Variants in ACYP2 observed in about 807,000 individuals in gnomAD.
ACYP2 encodes acylphosphatase-2.
A neutral mutation model predicts 11.2 loss-of-function variants in ACYP2; 12 were observed. The observed-to-expected ratio is 1.08, with a 90% CI of 0.69 to 1.74. The LOEUF is 1.74. ACYP2 is among the 40% of genes most tolerant of loss of function. The probability of loss-of-function intolerance (pLI) is 0.00; values close to 1 mark genes in which losing one functional copy is unlikely to be tolerated. For synonymous variants in ACYP2, 43 were observed against 32.2 expected, an observed-to-expected ratio of 1.33 and a Z score of -1.13; for missense variants, 134 against 101.9, an observed-to-expected ratio of 1.31 and a Z score of -1.35.
chr2:54,083,082 A>G (rs1677751958), intron 4 of ACYP2, among the ~76,000 whole-genome samples: 1 of 139,700 alleles, frequency 7.2e-6, no homozygotes, highest in South Asian at 2.6e-4. Context: ...TCAAAAAAAA[A>G]AAGAAAAAAA....
At chr2:54,303,789 C>T (rs1459655371) in intron 6 of ACYP2, among the ~76,000 whole-genome samples, 4 of 152,166 alleles carry the variant, frequency 2.6e-5, no homozygotes, top group African/African-American at 7.2e-5. Flanking sequence ...TATGAGGAAA[C>T]TCATAGGATG....
intron 6 of ACYP2, among the ~76,000 whole-genome samples, chr2:54,286,535 C>G (rs1348148152): frequency 6.6e-6 from 1 of 152,000 alleles, no homozygotes; most frequent in East Asian, 1.9e-4. Context: ...TCATCTATGT[C>G]TATCAGAGAA....
chr2:54,222,909 G>A (rs1005596779), intron 6 of ACYP2: 2 of 152,094 alleles, frequency 1.3e-5, no homozygotes, highest in African/African-American at 2.4e-5. Flanking sequence ...TGCAAAACAC[G>A]AGATCTCCAC....
intron 3 of ACYP2, chr2:54,051,832 G>T: frequency 2.9e-6 from 1 of 347,686 alleles, no homozygotes; most frequent in South Asian, 2.7e-5. Context: ...ATCACCTGAG[G>T]TCAGGAGTTT....
At chr2:54,296,292 G>A (rs1467892235) in intron 6 of ACYP2, among the ~76,000 whole-genome samples, 1 of 152,160 alleles carries the variant, frequency 6.6e-6, no homozygotes, top group Non-Finnish European at 1.5e-5. Flanking sequence ...GGCTTCCAAA[G>A]CAATAAATGC....
chr2:54,281,227 A>G (rs1233327983), intron 6 of ACYP2, among the ~76,000 whole-genome samples: 3 of 152,250 alleles, frequency 2.0e-5, no homozygotes, highest in African/African-American at 4.8e-5. Context: ...TAACTTTGTC[A>G]TTGCAGCTCA....
chr2:54,061,755 A>G (rs758586376), intron 4 of ACYP2, among the ~76,000 whole-genome samples: 6 of 152,182 alleles, frequency 3.9e-5, no homozygotes, highest in South Asian at 2.1e-4. Flanking sequence ...TTATTTTCTT[A>G]TAATTCTGGA....
In ACYP2 at chr2:54,063,940, G is replaced by C. The variant is rs142512336; in HGVS notation, c.277+6580G>C. ...AGTGTAGCTGGAGCGTAGAGAAGGA[G>C]GGGTGAGATGGTGTTGAAGGGGGAG... On this transcript the variant is annotated intron_variant, in intron 4 of 6. Transcript: ENST00000607452. Among the ~76,000 whole-genome samples, 32 of 152,334 alleles carry C rather than the reference G, an allele frequency of 2.1e-4. No individual in the cohort carries two copies. The East Asian group carries it at 6.2e-3, about 29-fold the overall frequency.
At chr2:54,249,878 C>CTGCA (rs1359497275) in intron 6 of ACYP2, among the ~76,000 whole-genome samples, 1 of 139,778 alleles carries the variant, frequency 7.2e-6, no homozygotes, top group Non-Finnish European at 1.5e-5. Context: ...AACAGTGAGG[C>CTGCA]TGCAGTGAGC....
At chr2:54,008,344 C>CT (rs1673185207) in intron 2 of ACYP2, among the ~76,000 whole-genome samples, 1 of 152,202 alleles carries the variant, frequency 6.6e-6, no homozygotes, top group Non-Finnish European at 1.5e-5. Flanking sequence ...AGTCTTCAGA[C>CT]TTCAGAGCTA....
chr2:54,163,959 T>C (rs1682841900), intron 6 of ACYP2, among the ~76,000 whole-genome samples: 1 of 152,216 alleles, frequency 6.6e-6, no homozygotes, highest in African/African-American at 2.4e-5. Context: ...ATAAAGTCCT[T>C]GACCTTGAGG....
chr2:54,135,395 CA>C lies in ACYP2; in HGVS notation c.278-57del, dbSNP rs1681162044. The C allele has an allele frequency of 1.9e-6, 3 of 1,542,270 alleles. No individual in the cohort carries two copies. In the East Asian group the frequency reaches 6.9e-5, roughly 35 times the overall value. On this transcript the variant is annotated intron_variant, in intron 4 of 6. Transcript: ENST00000607452. ...CCTAGATAAAAGTTAAGTCAGGAAA[CA>C]TATAACCTTTTAAAGGAGGACAAGC...
chr2:54,147,788 G>T (rs1460286857), intron 6 of ACYP2, among the ~76,000 whole-genome samples: 1 of 152,158 alleles, frequency 6.6e-6, no homozygotes, highest in Non-Finnish European at 1.5e-5. Context: ...GCTTCCCAAA[G>T]TGTTGGGATT....
intron 2 of ACYP2, among the ~76,000 whole-genome samples, chr2:53,999,469 C>G (rs898695824): frequency 2.0e-5 from 3 of 152,120 alleles, no homozygotes; most frequent in Non-Finnish European, 2.9e-5. Context: ...TTCATGGGCT[C>G]TATTTTGCAG....
At chr2:54,083,992 T>A (rs368863333) in intron 4 of ACYP2, among the ~76,000 whole-genome samples, 6 of 152,214 alleles carry the variant, frequency 3.9e-5, no homozygotes, top group Admixed American at 6.5e-5. Flanking sequence ...TTATAAATTT[T>A]GAAAAGATGA....
chr2:54,212,321 A>T (rs1685360847), intron 6 of ACYP2, among the ~76,000 whole-genome samples: 1 of 152,182 alleles, frequency 6.6e-6, no homozygotes, highest in South Asian at 2.1e-4. Context: ...ACATTGTAGT[A>T]AATAATTGTC....
intron 4 of ACYP2, among the ~76,000 whole-genome samples, chr2:54,108,650 C>T (rs1679298610): frequency 6.6e-6 from 1 of 152,052 alleles, no homozygotes; most frequent in Non-Finnish European, 1.5e-5. Flanking sequence ...TGGTGGCTGG[C>T]CCTTTTTCGC....
chr2:54,272,110 C>T (rs764747093), intron 6 of ACYP2, among the ~76,000 whole-genome samples: 13 of 152,166 alleles, frequency 8.5e-5, no homozygotes, highest in Non-Finnish European at 1.8e-4. Flanking sequence ...CACTTCATAT[C>T]GACCATCTTG....
chr2:54,285,201 A>C (rs1360533773), intron 6 of ACYP2, among the ~76,000 whole-genome samples: 1 of 152,118 alleles, frequency 6.6e-6, no homozygotes, highest in Non-Finnish European at 1.5e-5. Context: ...TCATCTCACA[A>C]AGGCCCTATC....
Sources: allele counts gnomAD v4.1 joint callset (sites outside exome capture counted in the v4.1 genomes callset), GRCh38; gene constraint gnomAD v4.1.1; transcripts MANE v1.5; gene names NCBI Gene and HGNC (gene_info 2026-07-23, HGNC 2026-07-21).